PCCA: variants seen among roughly 807,000 people sequenced by gnomAD.
The protein encoded by PCCA is propionyl-CoA carboxylase subunit alpha.
PCCA carries 74 observed loss-of-function variants against 101.3 expected under a neutral mutation model. The ratio of observed to expected loss-of-function variants is 0.73; its 90% CI spans 0.61 to 0.89. PCCA has a LOEUF of 0.89. Among genes scored for constraint, PCCA ranks in the 40% least tolerant of loss-of-function variants. The pLI, the probability that PCCA is intolerant of heterozygous loss-of-function variation, is 0.00. For missense variants in PCCA, 891 were observed against 907.0 expected (o/e 0.98, Z 0.23); for synonymous variants, 294 against 313.6 (o/e 0.94, Z 0.66).
intron 23 of PCCA, among the ~76,000 whole-genome samples, chr13:100,529,685 A>G (rs2088211275): frequency 6.6e-6 from 1 of 152,074 alleles, no homozygotes; most frequent in Non-Finnish European, 1.5e-5. Flanking sequence ...TTTCTTTTAC[A>G]CTAAGTATTC....
At chr13:100,146,521 G>T (rs1438353124) in intron 4 of PCCA, among the ~76,000 whole-genome samples, 3 of 150,940 alleles carry the variant, frequency 2.0e-5, no homozygotes, top group Non-Finnish European at 4.4e-5. Flanking sequence ...GTTGCAGTGA[G>T]CCAAGATCGT....
Position 100,287,206 on chromosome 13 carries a change from TCTC to T in PCCA, c.1065+13863_1065+13865del, listed in dbSNP as rs561967647. On this transcript the variant is annotated intron_variant, in intron 12 of 23. Coordinates refer to ENST00000376285, the MANE Select transcript of PCCA (RefSeq NM_000282.4). Reference sequence around the variant, plus strand: ...TTTTTTTAATTTTTCTGCTTATTCATCTCCTAGCACCACACTGGTTTAGGTATT... The same window carrying T: ...TTTTTTTAATTTTTCTGCTTATTCATCTAGCACCACACTGGTTTAGGTATT... Among the ~76,000 whole-genome samples, 771 of 152,228 alleles carry T rather than the reference TCTC, an allele frequency of 5.1e-3. 7 individuals are homozygous for T. The highest frequency in any genetic ancestry group is 6.9e-3 in the Non-Finnish European group (467 of 67,982).
chr13:100,143,376 CA>C (rs200764060), intron 4 of PCCA, among the ~76,000 whole-genome samples: 3 of 149,862 alleles, frequency 2.0e-5, no homozygotes, highest in South Asian at 2.1e-4. Flanking sequence ...ACTAAAAATA[CA>C]AAAAAAAATT....
At chr13:100,265,696 A>G (rs1318996075) in intron 10 of PCCA, among the ~76,000 whole-genome samples, 1 of 151,828 alleles carries the variant, frequency 6.6e-6, no homozygotes. Flanking sequence ...ACAATGTTGA[A>G]TTTTCTTTCT....
rs1236605358 is a variant in PCCA at position 100,097,155 on chromosome 13, C to T, written c.106-5728C>T. Among the ~76,000 whole-genome samples the T allele has an allele frequency of 2.0e-5, 3 of 152,186 alleles. No individual in the cohort carries two copies. The South Asian group carries it at 6.2e-4, about 32-fold the overall frequency. On this transcript the variant is annotated intron_variant, in intron 1 of 23. Coordinates refer to ENST00000376285, the MANE Select transcript of PCCA (RefSeq NM_000282.4). ...CTTTTGAAGGGTAGACACACAAGGT[C>T]GCTATTGTGTGATTTTGTGTTTATA...
chr13:100,181,537 C>T (rs369437292), intron 6 of PCCA, among the ~76,000 whole-genome samples: 3 of 152,092 alleles, frequency 2.0e-5, no homozygotes, highest in East Asian at 1.9e-4. Context: ...ATCCTCCCAC[C>T]GTAGCCTCCT....
intron 18 of PCCA, among the ~76,000 whole-genome samples, chr13:100,348,145 A>G (rs2072568119): frequency 6.6e-6 from 1 of 152,150 alleles, no homozygotes; most frequent in African/African-American, 2.4e-5. Context: ...TTGCTTTGTC[A>G]TGGGTGTGTC....
chr13:100,262,157 C>G (rs920735570), intron 9 of PCCA, among the ~76,000 whole-genome samples: 3 of 152,112 alleles, frequency 2.0e-5, no homozygotes, highest in Admixed American at 6.6e-5. Context: ...CTTTGGGAGG[C>G]TGAGGCAGGT....
chr13:100,133,745 G>C (rs953034501), intron 4 of PCCA, among the ~76,000 whole-genome samples: 2 of 152,140 alleles, frequency 1.3e-5, no homozygotes, highest in Non-Finnish European at 2.9e-5. Flanking sequence ...GTTGACATTT[G>C]AGTCAGTGGA....
intron 19 of PCCA, among the ~76,000 whole-genome samples, chr13:100,377,755 A>G (rs1197053883): frequency 6.6e-6 from 1 of 151,996 alleles, no homozygotes; most frequent in East Asian, 1.9e-4. Flanking sequence ...CAGCCTCCCA[A>G]AGTGTTGGGA....
chr13:100,423,507 G>A (rs995266666), intron 19 of PCCA, among the ~76,000 whole-genome samples: 3 of 152,150 alleles, frequency 2.0e-5, no homozygotes, highest in African/African-American at 2.4e-5. Context: ...CCCTTGCCCC[G>A]CTTATACTGG....
intron 19 of PCCA, among the ~76,000 whole-genome samples, chr13:100,419,017 CT>C (rs1276848269): frequency 4.4e-4 from 64 of 146,276 alleles, no homozygotes; most frequent in Admixed American, 4.8e-4. Context: ...TTTTTTCTTT[CT>C]TTTTTTTTTT....
intron 6 of PCCA, among the ~76,000 whole-genome samples, chr13:100,183,674 A>C (rs1044331842): frequency 3.9e-5 from 6 of 152,116 alleles, no homozygotes; most frequent in African/African-American, 7.2e-5. Flanking sequence ...ACATTCCAGG[A>C]AGGGGCTGTA....
chr13:100,239,865 C>T (rs2061015058), intron 8 of PCCA, among the ~76,000 whole-genome samples: 1 of 152,018 alleles, frequency 6.6e-6, no homozygotes, highest in Non-Finnish European at 1.5e-5. Flanking sequence ...GTCTACCATA[C>T]TACAAACCTA....
At chr13:100,368,679 C>G in intron 19 of PCCA, 105 bp downstream of exon 19, 1 of 738,094 alleles carries the variant, frequency 1.4e-6, no homozygotes, top group Admixed American at 2.2e-5. Context: ...ATTTGTAGTA[C>G]CTCTATGTAT....
chr13:100,504,981 T>G (rs909290103), intron 21 of PCCA, among the ~76,000 whole-genome samples: 1 of 152,212 alleles, frequency 6.6e-6, no homozygotes, highest in Non-Finnish European at 1.5e-5. Context: ...GGCACTGTTA[T>G]GATCCACAGT....
chr13:100,201,722 T>G (rs529811402), intron 6 of PCCA, among the ~76,000 whole-genome samples: 84 of 151,726 alleles, frequency 5.5e-4, no homozygotes, highest in African/African-American at 2.0e-3. Context: ...CTGGGCGTGG[T>G]GGTGCATGCC....
At chr13:100,134,671 G>T (rs1355019999) in intron 4 of PCCA, among the ~76,000 whole-genome samples, 2 of 152,000 alleles carry the variant, frequency 1.3e-5, no homozygotes, top group African/African-American at 2.4e-5. Flanking sequence ...TCCCACCTCA[G>T]CCTCCTGAGT....
intron 6 of PCCA, among the ~76,000 whole-genome samples, chr13:100,180,665 G>A (rs2056713185): frequency 6.6e-6 from 1 of 152,160 alleles, no homozygotes; most frequent in Non-Finnish European, 1.5e-5. Flanking sequence ...TGTCTCCTCC[G>A]ATTTCTTTCC....
Sources: allele counts gnomAD v4.1 joint callset (sites outside exome capture counted in the v4.1 genomes callset), GRCh38; gene constraint gnomAD v4.1.1; transcripts MANE v1.5; gene names NCBI Gene and HGNC (gene_info 2026-07-23, HGNC 2026-07-21).